The following ARSA variants were observed in gnomAD, a reference collection of about 807,000 sequenced individuals.
ARSA encodes the protein arylsulfatase A, also known as cerebroside-sulfatase.
Under a neutral mutation model 37.8 loss-of-function variants are expected in ARSA, and 32 were observed. That is an observed-to-expected ratio of 0.85 (90% CI 0.64 to 1.14). The LOEUF (loss-of-function observed/expected upper bound fraction) is 1.14. Among genes scored for constraint, ARSA ranks in the 50% most tolerant of loss-of-function variants. The pLI, the probability that ARSA is intolerant of heterozygous loss-of-function variation, is 0.00. For synonymous variants in ARSA, 303 were observed against 303.4 expected (o/e 1.00, Z 0.01); for missense variants, 685 against 686.3 (o/e 1.00, Z 0.02).
At position 50,627,357 on chromosome 22, in the gene ARSA, C is replaced by T; in HGVS notation, c.274G>A (p.Gly92Ser). ...CCCCGGGAGCTGGGCACCAGGACGC[C>T]AGGGTACATGCCCATCCGAACCGGG... Reference protein sequence around the residue: ...RLPVRMGMYPGVLVPSSRGGL... With the variant: ...RLPVRMGMYPSVLVPSSRGGL... The change falls in exon 2 of 8, where the codon GGC becomes AGC. Residue 92 changes from glycine (G) to serine (S), a missense_variant. Physicochemically the swap from Gly to Ser is moderately conservative, Grantham distance 56. Transcript: ENST00000216124. 3.1e-6 allele frequency: 5 copies of T among 1,601,368 alleles called. No individual in the cohort carries two copies. The highest frequency in any genetic ancestry group is 4.3e-6 in the Non-Finnish European group (5 of 1,175,654).
In ARSA at chr22:50,626,065, T is replaced by G. The variant is rs769152137; in HGVS notation, c.980-2A>C. The G allele has an allele frequency of 2.5e-6, 4 of 1,596,386 alleles. No individual in the cohort carries two copies. Among genetic ancestry groups the G allele is most frequent in the Non-Finnish European group, 3.4e-6 (4 of 1,173,584 alleles). The stretch of plus-strand genomic sequence containing the variant: ...AGCTGGCCAGCTCGTGGGTCACGCC[T>G]GGGGGCAGGAGGCTGGTCAGTCACT... On this transcript the variant is annotated splice_acceptor_variant, in intron 5 of 7. Coordinates refer to ENST00000216124, the MANE Select transcript of ARSA (RefSeq NM_000487.6). LOFTEE classifies it high-confidence loss of function.
Position 50,626,613 on chromosome 22 carries a change from CCAGCGTCTCTTCAAG to C in ARSA, c.817_831del (p.Leu273_Leu277del). The C allele has an allele frequency of 6.2e-7, 1 of 1,613,782 alleles. No individual in the cohort carries two copies. The highest frequency in any genetic ancestry group is 8.5e-7 in the Non-Finnish European group (1 of 1,180,036). ...TACCCATTGTCTGCAGTGAAGATGACCAGCGTCTCTTCAAGCAGCCCCAGGTCCCCTATGGCTGTC... is the reference window on the plus strand; with the variant it reads ...TACCCATTGTCTGCAGTGAAGATGACCAGCCCCAGGTCCCCTATGGCTGTC... On this transcript the variant is annotated inframe_deletion, in exon 4 of 8. Coordinates refer to ENST00000216124, the MANE Select transcript of ARSA (RefSeq NM_000487.6).
At position 50,623,740 on chromosome 22, in the gene ARSA, TAAAAAA is replaced by T. The variant is rs746677403; in HGVS notation, c.*1399_*1404del. The T allele has an allele frequency of 6.7e-6, 1 of 150,294 alleles. No homozygotes were observed. Among genetic ancestry groups the T allele is most frequent in the African/African-American group, 2.4e-5 (1 of 40,834 alleles). 9.3% of individuals were successfully genotyped at this position (150,294 alleles called of 1,614,324 possible). A position where few individuals can be genotyped will look rare whatever the true frequency, so the allele number is the denominator to read the frequency against. The stretch of plus-strand genomic sequence containing the variant: ...ATGGTGAAATCTTGTCTCTATTAAA[TAAAAAA>T]AAATTAGCTGGGCATGGCAGCACAC... On this transcript the variant is annotated 3_prime_UTR_variant, in exon 8 of 8. Coordinates refer to ENST00000216124, the MANE Select transcript of ARSA (RefSeq NM_000487.6).
chr22:50,627,212 T>TG lies in ARSA; in HGVS notation c.418dup (p.His140ProfsTer36), dbSNP rs745884435. The TG allele has an allele frequency of 5.0e-5, 80 of 1,612,020 alleles. No individual in the cohort carries two copies. The highest frequency in any genetic ancestry group is 3.3e-4 in the African/African-American group (25 of 74,842). On this transcript the variant is annotated frameshift_variant, in exon 2 of 8. Coordinates refer to ENST00000216124, the MANE Select transcript of ARSA (RefSeq NM_000487.6). LOFTEE classifies it high-confidence loss of function. Reference sequence around the variant, plus strand: ...GCCTAGAAATCGATGGAAGCCCTGATGGGGGGGCAGGAAGGCCCCCTCAGG... The same window carrying TG: ...GCCTAGAAATCGATGGAAGCCCTGATGGGGGGGGCAGGAAGGCCCCCTCAGG...
chr22:50,626,881 C>A lies in ARSA; in HGVS notation c.637G>T (p.Asp213Tyr). The change falls in exon 3 of 8, where the codon GAC becomes TAC. Residue 213 changes from aspartate (D) to tyrosine (Y), a missense_variant. Coordinates refer to ENST00000216124, the MANE Select transcript of ARSA (RefSeq NM_000487.6). ...AAGGGGCGATCCTGGCGCTGGGCGT[C>A]GGCCATGAGGTCATGGGCGAAAGCC... ...YMAFAHDLMA[D>Y]AQRQDRPFFL... 6.2e-7 allele frequency: 1 copy of A among 1,613,402 alleles called. No individual in the cohort carries two copies. The highest frequency in any genetic ancestry group is 1.1e-5 in the South Asian group (1 of 91,066).
chr22:50,627,714 C>G lies in ARSA; in HGVS notation c.66G>C (p.Pro22=), dbSNP rs752921449. 2.6e-6 allele frequency: 4 copies of G among 1,554,468 alleles called. No individual in the cohort carries two copies. In the East Asian group the frequency reaches 9.7e-5, roughly 38 times the overall value. Residue 22 remains proline (P), a synonymous_variant, in exon 1 of 8, where the codon CCG becomes CCC. Transcript: ENST00000216124. ...ALAAGLAVAR[P]PNIVLIFADD... ...CGGCAAAGATCAGCACGATGTTGGG[C>G]GGACGGGCAACGGCCAGGCCAGCAG...
rs758643108 is a variant in ARSA, at chr22:50,626,930, C to A, written c.588G>T (p.Leu196=). ...CCATGTAGCGGGCCTCTAGTCCGGG[C>A]AGCCAGGGGGGCTGCGCCTCCACGG... ...NLSVEAQPPW[L]PGLEARYMAF... is the part of the protein sequence containing the mutation. The change falls in exon 3 of 8, where the codon CTG becomes CTT. Residue 196 remains leucine, a synonymous_variant. Transcript: ENST00000216124. 4.3e-6 allele frequency: 7 copies of A among 1,613,214 alleles called. No individual in the cohort carries two copies. The South Asian group carries it at 6.6e-5, about 15-fold the overall frequency.
chr22:50,626,038 G>T lies in ARSA; in HGVS notation c.1005C>A (p.Ser335=), dbSNP rs745783614. The change falls in exon 6 of 8, where the codon TCC becomes TCA. Residue 335 remains serine, a synonymous_variant. Transcript: ENST00000216124. ...APGVTHELAS[S]LDLLPTLAAL... ...CTGCCAGGGTAGGCAGCAGGTCCAG[G>T]GAGCTGGCCAGCTCGTGGGTCACGC... 6.3e-7 allele frequency: 1 copy of T among 1,589,478 alleles called. No homozygotes were observed. Among genetic ancestry groups the T allele is most frequent in the Non-Finnish European group, 8.5e-7 (1 of 1,170,068 alleles).
In ARSA at chr22:50,627,540, G is replaced by T. The variant is rs2146727447; in HGVS notation, c.224+16C>A. The T allele has an allele frequency of 1.3e-6, 2 of 1,561,018 alleles. No homozygotes were observed. The highest frequency in any genetic ancestry group is 1.7e-6 in the Non-Finnish European group (2 of 1,152,506). ...TGGAGGGTCGGGGCGGGGAAGAGGC[G>T]CGGCCCCCTCTTTACCTAGAGGGTG... On this transcript the variant is annotated intron_variant, in intron 1 of 7. Transcript: ENST00000216124.
chr22:50,627,284 C>G lies in ARSA; in HGVS notation c.347G>C (p.Arg116Pro). 6.3e-7 allele frequency: 1 copy of G among 1,592,608 alleles called. No individual in the cohort carries two copies. ...GCCGGCCATTCCTGTGAGGTAGCCT[C>G]GGGCAGCCAGGACTTCGGCCACGGT... ...EVTVAEVLAA[R>P]GYLTGMAGKW... is the part of the protein sequence containing the mutation. Residue 116 changes from arginine to proline, a missense_variant, in exon 2 of 8, where the codon CGA becomes CCA. Arg to Pro is a moderately radical substitution (Grantham distance 103, BLOSUM62 -2). Transcript: ENST00000216124.
At position 50,627,898 on chromosome 22, in the gene ARSA, C is replaced by CCAAATA; in HGVS notation, c.-120_-119insTATTTG. 9.7e-7 allele frequency: 1 copy of CCAAATA among 1,031,828 alleles called. No individual in the cohort carries two copies. The highest frequency in any genetic ancestry group is 1.6e-5 in the South Asian group (1 of 61,710). 63.9% of individuals were successfully genotyped at this position (1,031,828 alleles called of 1,614,324 possible). A position where few individuals can be genotyped will look rare whatever the true frequency, so the allele number is the denominator to read the frequency against. ...ACCCCGGACCCAAATACTCCCCGAC[C>CCAAATA]CTGACGGCCGCCTCCTGAAGCTCCA... On this transcript the variant is annotated 5_prime_UTR_variant, in exon 1 of 8. Transcript: ENST00000216124.
chr22:50,627,388 G>A lies in ARSA; in HGVS notation c.243C>T (p.Gly81=), dbSNP rs6151410. The change falls in exon 2 of 8, where the codon GGC becomes GGT. Residue 81 remains glycine, a synonymous_variant. Coordinates refer to ENST00000216124, the MANE Select transcript of ARSA (RefSeq NM_000487.6). ...CTPSRAALLT[G]RLPVRMGMYP... The stretch of plus-strand genomic sequence containing the variant: ...ACATGCCCATCCGAACCGGGAGCCG[G>A]CCGGTCAGGAGGGCGGCCCTGCGGG... 4.4e-3 allele frequency: 7,061 copies of A among 1,607,682 alleles called. 257 individuals carry two copies. In the African/African-American group the frequency reaches 0.08, roughly 18 times the overall value.
At chr22:50,627,081 G>A (rs1247245360) in intron 2 of ARSA, 29 bp from the exon 3 acceptor site, 2 of 1,598,860 alleles carry the variant, frequency 1.3e-6, no homozygotes, top group African/African-American at 2.7e-5. Flanking sequence ...GTGAGGGCTG[G>A]GCTGGCAGGT....
chr22:50,625,936 C>T lies in ARSA; in HGVS notation c.1107G>A (p.Lys369=). 6.4e-7 allele frequency: 1 copy of T among 1,571,264 alleles called. No homozygotes were observed. The highest frequency in any genetic ancestry group is 2.3e-5 in the East Asian group (1 of 43,338). ...DLSPLLLGTG[K]SPRQSLFFYP... ...TGGGATCAGGGGTCACCGGCCCTAC[C>T]TTGCCTGTGCCCAGCAGCAGGGGGC... Residue 369 remains lysine, a splice_region_variant and synonymous_variant, in exon 6 of 8, where the codon AAG becomes AAA. Transcript: ENST00000216124.
At chr22:50,627,476 T>G (rs1036622292) in intron 1 of ARSA, 70 bp from the exon 2 acceptor site, 4 of 1,595,510 alleles carry the variant, frequency 2.5e-6, no homozygotes, top group South Asian at 2.3e-5. Flanking sequence ...GAGACAGACG[T>G]TTTTCCCGCC....
rs199767625 is a variant in ARSA at position 50,627,153 on chromosome 22, G to A, written c.465+13C>T. ...GAGGTGGGAGGGTGGCTGAGGGCCC[G>A]GGTGGTTCCTACCTGGTCGTGGGAG... On this transcript the variant is annotated intron_variant, in intron 2 of 7. Transcript: ENST00000216124. 1.4e-5 allele frequency: 23 copies of A among 1,604,244 alleles called. No individual in the cohort carries two copies. The highest frequency in any genetic ancestry group is 8.4e-5 in the Admixed American group (5 of 59,658).
chr22:50,627,137 G>A (rs1206816412), intron 2 of ARSA, 29 bp downstream of exon 2: 1 of 1,598,146 alleles, frequency 6.3e-7, no homozygotes, highest in Admixed American at 1.7e-5. Context: ...GGAGGTGGGA[G>A]GGTGGCTGAG....
chr22:50,627,382 G>T lies in ARSA; in HGVS notation c.249C>A (p.Leu83=). The T allele has an allele frequency of 6.2e-7, 1 of 1,606,858 alleles. No individual in the cohort carries two copies. Among genetic ancestry groups the T allele is most frequent in the Non-Finnish European group, 8.5e-7 (1 of 1,178,482 alleles). ...CAGGGTACATGCCCATCCGAACCGG[G>T]AGCCGGCCGGTCAGGAGGGCGGCCC... is the stretch of plus-strand genomic sequence containing the variant. ...PSRAALLTGR[L]PVRMGMYPGV... The change falls in exon 2 of 8, where the codon CTC becomes CTA. Residue 83 remains leucine, a synonymous_variant. Coordinates refer to ENST00000216124, the MANE Select transcript of ARSA (RefSeq NM_000487.6).
intron 2 of ARSA, 47 bp from the exon 3 acceptor site, chr22:50,627,099 C>A (rs369058259): frequency 6.3e-7 from 1 of 1,592,186 alleles, no homozygotes; most frequent in East Asian, 2.3e-5. Context: ...GGTGGGGCTG[C>A]GGGAGCATCA....
Sources: gnomAD v4.1 joint callset for allele counts on GRCh38, gnomAD v4.1.1 for gene constraint, MANE v1.5 for transcripts, NCBI Gene and HGNC (gene_info 2026-07-23, HGNC 2026-07-21) for gene names.